RSRC1: variants seen among roughly 807,000 people sequenced by gnomAD.
The protein encoded by RSRC1 is arginine and serine rich coiled-coil 1.
Under a neutral mutation model 49.1 loss-of-function variants are expected in RSRC1, and 39 were observed. The ratio of observed to expected loss-of-function variants is 0.79; its 90% CI spans 0.61 to 1.04. RSRC1 has a LOEUF of 1.04. Among genes scored for constraint, RSRC1 ranks in the 50% least tolerant of loss-of-function variants. The probability of loss-of-function intolerance (pLI) is 0.00; values close to 1 mark genes in which losing one functional copy is unlikely to be tolerated. For synonymous variants in RSRC1, 143 were observed against 130.8 expected (o/e 1.09, Z -0.63); for missense variants, 388 against 402.4 (o/e 0.96, Z 0.31).
In RSRC1 at chr3:158,203,137, C is replaced by T. The variant is rs1380823767; in HGVS notation, c.386C>T (p.Thr129Met). ...AGTGAAAGGTCCAGTCACAGAAGAA[C>T]GCGTAGTCGGTCTCGGGATAGAGAA... ...RSSERSSHRR[T>M]RSRSRDRERR... Residue 129 changes from threonine (T) to methionine (M), a missense_variant, in exon 4 of 10, where the codon ACG becomes ATG. By Grantham distance (81) the Thr-to-Met change is moderately conservative. Transcript: ENST00000611884. 3.1e-6 allele frequency: 5 copies of T among 1,613,612 alleles called. No individual in the cohort carries two copies. The highest frequency in any genetic ancestry group is 4.2e-6 in the Non-Finnish European group (5 of 1,179,814).
In RSRC1 at chr3:158,359,449, C is replaced by T. The variant is rs751552897; in HGVS notation, c.583+4541C>T. 1.1e-3 allele frequency among the ~76,000 whole-genome samples: 169 copies of T among 152,186 alleles called. 1 individual carries two copies. Among genetic ancestry groups the T allele is most frequent in the Non-Finnish European group, 1.9e-3 (132 of 68,024 alleles). On this transcript the variant is annotated intron_variant, in intron 6 of 9. Coordinates refer to ENST00000611884, the MANE Select transcript of RSRC1 (RefSeq NM_001271838.2). ...CTGCTAGATGATTCTTTGGTGTTAT[C>T]GGATCTTTGGGGTGTTGCTTTTCTG...
chr3:158,324,663 T>C (rs962375058), intron 5 of RSRC1, among the ~76,000 whole-genome samples: 2 of 152,204 alleles, frequency 1.3e-5, no homozygotes, highest in Admixed American at 1.3e-4. Context: ...TCCAAGTCTT[T>C]GCTACTGTGA....
At chr3:158,475,965 A>T (rs116052847) in intron 7 of RSRC1, among the ~76,000 whole-genome samples, 2,339 of 152,302 alleles carry the variant, frequency 0.015, 78 homozygotes, top group African/African-American at 0.053. Context: ...ACAAGTTGTG[A>T]ATGCAAAGGA....
chr3:158,157,725 GACCA>G (rs1717961407), intron 3 of RSRC1, among the ~76,000 whole-genome samples: 1 of 152,160 alleles, frequency 6.6e-6, no homozygotes, highest in Non-Finnish European at 1.5e-5. Context: ...AGACCAGCCT[GACCA>G]ACATGGAGAA....
intron 1 of RSRC1, among the ~76,000 whole-genome samples, chr3:158,112,184 G>GC (rs1418226370): frequency 6.6e-6 from 1 of 152,166 alleles, no homozygotes; most frequent in East Asian, 1.9e-4. Flanking sequence ...GACTCTAAAA[G>GC]CCTGTGCTCC....
chr3:158,403,455 T>TA (rs1205952509), intron 6 of RSRC1, among the ~76,000 whole-genome samples: 1 of 151,140 alleles, frequency 6.6e-6, no homozygotes, highest in Non-Finnish European at 1.5e-5. Flanking sequence ...TTTCTCCAAA[T>TA]AAAAAAAAAT....
intron 3 of RSRC1, among the ~76,000 whole-genome samples, chr3:158,144,414 T>C (rs1716947002): frequency 6.6e-6 from 1 of 152,164 alleles, no homozygotes; most frequent in Non-Finnish European, 1.5e-5. Flanking sequence ...GATAGTTTGC[T>C]GAGAATGATG....
chr3:158,225,387 A>G (rs1464599107), intron 4 of RSRC1, among the ~76,000 whole-genome samples: 1 of 151,864 alleles, frequency 6.6e-6, no homozygotes, highest in Non-Finnish European at 1.5e-5. Flanking sequence ...TTAATCAGTA[A>G]ATACAAGGAA....
chr3:158,201,407 A>G (rs183303261), intron 3 of RSRC1, among the ~76,000 whole-genome samples: 1 of 152,098 alleles, frequency 6.6e-6, no homozygotes, highest in Non-Finnish European at 1.5e-5. Context: ...TCTTTTATTA[A>G]ATTTGGAAAA....
At position 158,254,323 on chromosome 3, in the gene RSRC1, T is replaced by A. The variant is rs530376801; in HGVS notation, c.495-43716T>A. Among the ~76,000 whole-genome samples the A allele has an allele frequency of 3.9e-5, 6 of 152,380 alleles. No individual in the cohort carries two copies. The South Asian group carries it at 8.3e-4, about 21-fold the overall frequency. ...GTCAAATGGCATTTCTGGTTCTAGA[T>A]CCTTGAGGAAATGACACACTGTCTT... On this transcript the variant is annotated intron_variant, in intron 4 of 9. Transcript: ENST00000611884.
intron 4 of RSRC1, among the ~76,000 whole-genome samples, chr3:158,256,876 C>T: frequency 6.6e-6 from 1 of 151,916 alleles, no homozygotes. Flanking sequence ...TTATAGTATT[C>T]TCTGATGGTA....
At chr3:158,142,192 A>G (rs189897972) in intron 3 of RSRC1, among the ~76,000 whole-genome samples, 3 of 152,268 alleles carry the variant, frequency 2.0e-5, no homozygotes, top group Admixed American at 2.0e-4. Context: ...TATCCATTAA[A>G]TCTATTATAT....
chr3:158,158,481 G>A lies in RSRC1; in HGVS notation c.320+34490G>A, dbSNP rs552719993. Among the ~76,000 whole-genome samples, 11 of 152,210 alleles carry A rather than the reference G, an allele frequency of 7.2e-5. No individual in the cohort carries two copies. The East Asian group carries it at 7.7e-4, about 11-fold the overall frequency. On this transcript the variant is annotated intron_variant, in intron 3 of 9. Coordinates refer to ENST00000611884, the MANE Select transcript of RSRC1 (RefSeq NM_001271838.2). ...TTCTAACAAGTTTATCTAAGACAGC[G>A]AACTATCTGCATTTCTTCTGCCACA... is the stretch of plus-strand genomic sequence containing the variant.
chr3:158,383,921 A>AT (rs141742778), intron 6 of RSRC1, among the ~76,000 whole-genome samples: 2,893 of 152,216 alleles, frequency 0.019, 74 homozygotes, highest in African/African-American at 0.066. Context: ...TATTTTTGGT[A>AT]TTAAAAAAAG....
At chr3:158,310,281 C>T (rs1618381) in intron 5 of RSRC1, among the ~76,000 whole-genome samples, 68,906 of 151,354 alleles carry the variant, frequency 0.46, 16,051 homozygotes, top group East Asian at 0.64. Context: ...GTTGTCTTTG[C>T]TTTGCTATCT....
intron 3 of RSRC1, among the ~76,000 whole-genome samples, chr3:158,157,537 G>A (rs1231257691): frequency 6.6e-6 from 1 of 152,144 alleles, no homozygotes; most frequent in Admixed American, 6.5e-5. Flanking sequence ...CTTATCAGAG[G>A]GAGAACTGGA....
At position 158,233,641 on chromosome 3, in the gene RSRC1, A is replaced by G. The variant is rs554914176; in HGVS notation, c.494+30396A>G. On this transcript the variant is annotated intron_variant, in intron 4 of 9. Coordinates refer to ENST00000611884, the MANE Select transcript of RSRC1 (RefSeq NM_001271838.2). ...AATGCTATGTGTTTTAGAGAAATCA[A>G]TATTCAAATTTGCTTCAAAGAATTC... Among the ~76,000 whole-genome samples, 12 of 152,296 alleles carry G rather than the reference A, an allele frequency of 7.9e-5. No homozygotes were observed. The South Asian group carries it at 2.3e-3, about 29-fold the overall frequency.
intron 4 of RSRC1, among the ~76,000 whole-genome samples, chr3:158,207,721 G>A (rs1374910728): frequency 6.6e-6 from 1 of 151,612 alleles, no homozygotes; most frequent in South Asian, 2.1e-4. Context: ...AGCACAAAAA[G>A]CAAGGACAGT....
chr3:158,401,242 A>G (rs1441821672), intron 6 of RSRC1, among the ~76,000 whole-genome samples: 2 of 152,038 alleles, frequency 1.3e-5, no homozygotes, highest in Non-Finnish European at 2.9e-5. Flanking sequence ...TGTAACGGGC[A>G]GAGATGTCTG....
Sources: allele counts gnomAD v4.1 joint callset (sites outside exome capture counted in the v4.1 genomes callset), GRCh38; gene constraint gnomAD v4.1.1; transcripts MANE v1.5; gene names NCBI Gene and HGNC (gene_info 2026-07-23, HGNC 2026-07-21).